ZC3H6: variants seen among roughly 807,000 people sequenced by gnomAD.
ZC3H6 encodes zinc finger CCCH-type containing 6, also known as zinc finger CCCH domain-containing protein 6.
Under a neutral mutation model 107.7 loss-of-function variants are expected in ZC3H6, and 40 were observed. The ratio of observed to expected loss-of-function variants is 0.37; its 90% confidence interval spans 0.29 to 0.48. ZC3H6 has a LOEUF of 0.48. Ranked by LOEUF, ZC3H6 falls within the 20% of genes least tolerant of loss-of-function variation. The pLI is 0.98. For synonymous variants in ZC3H6, 493 were observed against 487.9 expected (o/e 1.01, Z -0.14); for missense variants, 1,267 against 1,410.4 (o/e 0.90, Z 1.63).
chr2:112,286,493 A>G (rs1304136350), intron 1 of ZC3H6: 2 of 154,296 alleles, frequency 1.3e-5, no homozygotes, highest in Non-Finnish European at 2.9e-5. Context: ...ACTGGAGTGC[A>G]GTGGCGCAAT....
intron 1 of ZC3H6, among the ~76,000 whole-genome samples, chr2:112,286,719 A>G (rs116045903): frequency 0.016 from 2,459 of 152,284 alleles, 68 homozygotes; most frequent in African/African-American, 0.056. Flanking sequence ...GCTCATAGGC[A>G]TGACACTGTG....
intron 6 of ZC3H6, 23 bp from the exon 7 acceptor site, chr2:112,317,198 C>CT (rs564035069): frequency 0.36 from 359,505 of 1,009,124 alleles, 24,246 homozygotes; most frequent in African/African-American, 0.68. Context: ...TTTCTTTTTT[C>CT]TTTTTTTTTT....
rs997600038 is a variant in ZC3H6 at position 112,334,560 on chromosome 2, A to G, written c.*2072A>G. 5 of 152,292 alleles carry G rather than the reference A, an allele frequency of 3.3e-5. No individual in the cohort carries two copies. Among genetic ancestry groups the G allele is most frequent in the Admixed American group, 6.5e-5 (1 of 15,268 alleles). The allele number at this position is 152,292 out of a possible 1,614,324, so 9.4% of individuals were successfully genotyped here. A position where few individuals can be genotyped will look rare whatever the true frequency, so the allele number is the denominator to read the frequency against. On this transcript the variant is annotated 3_prime_UTR_variant, in exon 12 of 12. Transcript: ENST00000409871. ...CAAATTATGTAATGTTCATTTATTC[A>G]GTATTCTTGAGTCCCTGTTACCTCA...
At position 112,324,213 on chromosome 2, in the gene ZC3H6, C is replaced by A; in HGVS notation, c.1402C>A (p.His468Asn). 6.2e-7 allele frequency: 1 copy of A among 1,605,794 alleles called. No homozygotes were observed. Among genetic ancestry groups the A allele is most frequent in the Admixed American group, 1.7e-5 (1 of 59,924 alleles). Reference protein sequence around the residue: ...PGPQFQGSSPHPQHIYSSGSS... With the variant: ...PGPQFQGSSPNPQHIYSSGSS... ...ACCACAATTTCAGGGAAGCAGTCCA[C>A]ACCCTCAACATATCTATAGTTCTGG... Residue 468 changes from histidine (H) to asparagine (N), a missense_variant, in exon 10 of 12, where the codon CAC becomes AAC. Coordinates refer to ENST00000409871, the MANE Select transcript of ZC3H6 (RefSeq NM_198581.3).
At chr2:112,299,312 A>G (rs1051615854) in intron 1 of ZC3H6, among the ~76,000 whole-genome samples, 1 of 151,746 alleles carries the variant, frequency 6.6e-6, no homozygotes, top group African/African-American at 2.4e-5. Flanking sequence ...CTGTATGCAT[A>G]GGGACAAGCC....
Position 112,317,206 on chromosome 2 carries a change from T to TC in ZC3H6, c.865-15_865-14insC, listed in dbSNP as rs1441588765. 13 of 1,362,122 alleles carry TC rather than the reference T, an allele frequency of 9.5e-6. No individual in the cohort carries two copies. The East Asian group carries it at 3.2e-4, about 34-fold the overall frequency. 84.4% of individuals were successfully genotyped at this position (1,362,122 alleles called of 1,614,324 possible). A position where few individuals can be genotyped will look rare whatever the true frequency, so the allele number is the denominator to read the frequency against. On this transcript the variant is annotated splice_polypyrimidine_tract_variant and intron_variant, in intron 6 of 11. Coordinates refer to ENST00000409871, the MANE Select transcript of ZC3H6 (RefSeq NM_198581.3). Reference sequence around the variant, plus strand: ...ACCTTTTTTTCTTTTTTCTTTTTTTTTTTTTTGTGAATAGGGAGATCAGTG... The same window carrying TC: ...ACCTTTTTTTCTTTTTTCTTTTTTTTCTTTTTTGTGAATAGGGAGATCAGTG...
chr2:112,290,427 C>T (rs114991511), intron 1 of ZC3H6, among the ~76,000 whole-genome samples: 2,977 of 152,180 alleles, frequency 0.02, 21 homozygotes, highest in Non-Finnish European at 0.03. Flanking sequence ...ACTTCCCTGA[C>T]GGATGACTTT....
chr2:112,299,870 T>C lies in ZC3H6; in HGVS notation c.54T>C (p.Asp18=). The C allele has an allele frequency of 1.4e-6, 2 of 1,441,836 alleles. No individual in the cohort carries two copies. Among genetic ancestry groups the C allele is most frequent in the Non-Finnish European group, 1.8e-6 (2 of 1,098,548 alleles). The allele number at this position is 1,441,836 out of a possible 1,614,324, so 89.3% of individuals were successfully genotyped here. A position where few individuals can be genotyped will look rare whatever the true frequency, so the allele number is the denominator to read the frequency against. The change falls in exon 2 of 12, where the codon GAT becomes GAC. Residue 18 remains aspartate, a synonymous_variant. Transcript: ENST00000409871. ...ATAGAGAAGATGGCGAATTAGAAGA[T>C]GGTGAAATAGACGATGCAGGATTTG... The part of the protein sequence containing the change: ...GHDREDGELE[D]GEIDDAGFEE...
chr2:112,290,256 C>T (rs1232168738), intron 1 of ZC3H6, among the ~76,000 whole-genome samples: 4 of 152,266 alleles, frequency 2.6e-5, no homozygotes, highest in Non-Finnish European at 5.9e-5. Flanking sequence ...CCCAGTGACA[C>T]TGGCCTTGTC....
chr2:112,325,836 T>C (rs957198918), intron 11 of ZC3H6, among the ~76,000 whole-genome samples: 11 of 152,038 alleles, frequency 7.2e-5, no homozygotes, highest in African/African-American at 2.7e-4. Flanking sequence ...ATAAAAAGAT[T>C]ATATGGAAAC....
At chr2:112,320,926 A>C (rs1676789807) in intron 7 of ZC3H6, among the ~76,000 whole-genome samples, 2 of 152,140 alleles carry the variant, frequency 1.3e-5, no homozygotes, top group Admixed American at 1.3e-4. Context: ...AAATCAATTA[A>C]GAAAGTATAT....
At chr2:112,330,748 G>A (rs559056628) in intron 11 of ZC3H6, among the ~76,000 whole-genome samples, 1 of 152,178 alleles carries the variant, frequency 6.6e-6, no homozygotes, top group South Asian at 2.1e-4. Context: ...TTCCTTAATA[G>A]AGTATAATGA....
chr2:112,329,445 A>G (rs561191623), intron 11 of ZC3H6, among the ~76,000 whole-genome samples: 1 of 152,352 alleles, frequency 6.6e-6, no homozygotes, highest in African/African-American at 2.4e-5. Context: ...GTGAATCACA[A>G]ATCCATCTGT....
In ZC3H6 at chr2:112,339,497, G is replaced by T. The variant is rs568618849; in HGVS notation, c.*7009G>T. 1 of 152,058 alleles carries T rather than the reference G, an allele frequency of 6.6e-6. No individual in the cohort carries two copies. 9.4% of individuals were successfully genotyped at this position (152,058 alleles called of 1,614,324 possible). ...AGAAAGGGTTTGGCATAGATCCAGG[G>T]CTCCAGGGCCCAGGTCATTTTGTTA... On this transcript the variant is annotated 3_prime_UTR_variant, in exon 12 of 12. Transcript: ENST00000409871.
chr2:112,318,047 T>A (rs1448263790), intron 7 of ZC3H6, among the ~76,000 whole-genome samples: 1 of 152,206 alleles, frequency 6.6e-6, no homozygotes, highest in Non-Finnish European at 1.5e-5. Context: ...TTGCTGTGAT[T>A]ATTTCTGCCA....
chr2:112,285,394 T>C (rs1300905867), intron 1 of ZC3H6, among the ~76,000 whole-genome samples: 1 of 151,884 alleles, frequency 6.6e-6, no homozygotes, highest in Non-Finnish European at 1.5e-5. Flanking sequence ...TCTAACTCTG[T>C]CACCCAGGCT....
At chr2:112,283,301 G>T (rs1342075796) in intron 1 of ZC3H6, among the ~76,000 whole-genome samples, 1 of 152,082 alleles carries the variant, frequency 6.6e-6, no homozygotes, top group Non-Finnish European at 1.5e-5. Flanking sequence ...TATTATAAAT[G>T]ATTTTATATT....
At chr2:112,319,863 A>G (rs528526643) in intron 7 of ZC3H6, among the ~76,000 whole-genome samples, 1 of 152,326 alleles carries the variant, frequency 6.6e-6, no homozygotes, top group South Asian at 2.1e-4. Flanking sequence ...GGAGTATGGC[A>G]TAAAGCCTTT....
intron 11 of ZC3H6, among the ~76,000 whole-genome samples, chr2:112,330,372 T>C (rs932188344): frequency 3.9e-5 from 6 of 152,156 alleles, no homozygotes; most frequent in African/African-American, 7.2e-5. Flanking sequence ...ATTTTTAAAG[T>C]TAATGTTTGA....
Sources: allele counts gnomAD v4.1 joint callset (sites outside exome capture counted in the v4.1 genomes callset), GRCh38; gene constraint gnomAD v4.1.1; transcripts MANE v1.5; gene names NCBI Gene and HGNC (gene_info 2026-07-23, HGNC 2026-07-21).